Variants in MACROD2 observed in about 807,000 individuals in gnomAD.
MACROD2 encodes mono-ADP ribosylhydrolase 2.
Under a neutral mutation model 70.4 loss-of-function variants are expected in MACROD2, and 36 were observed. The observed-to-expected ratio is 0.51, with a 90% CI of 0.39 to 0.68. The LOEUF is 0.68. MACROD2 is among the 30% of genes least tolerant of loss of function. The pLI, the probability that MACROD2 is intolerant of heterozygous loss-of-function variation, is 0.00. For missense variants in MACROD2, 496 were observed against 538.4 expected, an observed-to-expected ratio of 0.92 and a Z score of 0.78; for synonymous variants, 172 against 178.8, an observed-to-expected ratio of 0.96 and a Z score of 0.30.
chr20:15,134,237 G>A (rs2076128905), intron 5 of MACROD2, among the ~76,000 whole-genome samples: 1 of 144,476 alleles, frequency 6.9e-6, no homozygotes, highest in African/African-American at 2.5e-5. Flanking sequence ...TTCCAACCTT[G>A]CCCGAGCCGG....
At chr20:14,166,272 A>G (rs2148720831) in intron 3 of MACROD2, among the ~76,000 whole-genome samples, 1 of 152,054 alleles carries the variant, frequency 6.6e-6, no homozygotes, top group East Asian at 1.9e-4. Context: ...GTAGAATAAA[A>G]TTTTTCTAGT....
Position 14,986,121 on chromosome 20 carries a change from C to T in MACROD2, c.419-243819C>T, listed in dbSNP as rs1200727017. Among the ~76,000 whole-genome samples, 3 of 152,240 alleles carry T rather than the reference C, an allele frequency of 2.0e-5. No individual in the cohort carries two copies. The East Asian group carries it at 5.8e-4, about 29-fold the overall frequency. On this transcript the variant is annotated intron_variant, in intron 5 of 17. Coordinates refer to ENST00000684519, the MANE Select transcript of MACROD2 (RefSeq NM_001351661.2). ...GCATAGAAACAGCTGTTGGGTTATT[C>T]CTGGGCCATTGAAGACATGGCACCT...
rs190192669 is a variant in MACROD2 at position 15,523,032 on chromosome 20, A to G, written c.645+23185A>G. 1.7e-3 allele frequency among the ~76,000 whole-genome samples: 256 copies of G among 152,316 alleles called. 2 individuals carry two copies. Among genetic ancestry groups the G allele is most frequent in the Admixed American group, 1.7e-3 (26 of 15,284 alleles). ...TTACAAGTTAAACTGGGGAAGATGCATAAGTAGGCAGCTAGAGGGACTGGT... is the reference window on the plus strand; with the variant it reads ...TTACAAGTTAAACTGGGGAAGATGCGTAAGTAGGCAGCTAGAGGGACTGGT... On this transcript the variant is annotated intron_variant, in intron 8 of 17. Transcript: ENST00000684519.
At chr20:15,325,398 T>C (rs1234360508) in intron 6 of MACROD2, among the ~76,000 whole-genome samples, 4 of 152,182 alleles carry the variant, frequency 2.6e-5, no homozygotes, top group African/African-American at 9.6e-5. Flanking sequence ...CTTGTAACAT[T>C]TGAGGCTCCC....
intron 4 of MACROD2, among the ~76,000 whole-genome samples, chr20:14,634,734 A>T (rs1167946192): frequency 6.6e-6 from 1 of 152,164 alleles, no homozygotes; most frequent in Non-Finnish European, 1.5e-5. Flanking sequence ...TATTGTTAAG[A>T]TATCCAAAAT....
In MACROD2 at chr20:15,024,802, A is replaced by T. The variant is rs560634078; in HGVS notation, c.419-205138A>T. Among the ~76,000 whole-genome samples, 60 of 152,164 alleles carry T rather than the reference A, an allele frequency of 3.9e-4. 1 individual carries two copies. The highest frequency in any genetic ancestry group is 7.3e-4 in the Non-Finnish European group (50 of 68,028). ...AACAGACTATTGATCTAGTTTTAAC[A>T]GATTTAGTGTTGTAGGTATTTTGTT... On this transcript the variant is annotated intron_variant, in intron 5 of 17. Coordinates refer to ENST00000684519, the MANE Select transcript of MACROD2 (RefSeq NM_001351661.2).
intron 8 of MACROD2, among the ~76,000 whole-genome samples, chr20:15,685,420 C>A (rs950730760): frequency 5.3e-5 from 8 of 152,154 alleles, no homozygotes; most frequent in African/African-American, 1.7e-4. Context: ...AGGAGGTGAA[C>A]ACAGATGTCT....
At chr20:14,949,594 A>G (rs188117934) in intron 5 of MACROD2, among the ~76,000 whole-genome samples, 68 of 152,300 alleles carry the variant, frequency 4.5e-4, no homozygotes, top group African/African-American at 1.6e-3. Context: ...CGCTTGTCCA[A>G]TCTGATTGCC....
At chr20:15,238,049 C>A (rs1185225098) in intron 6 of MACROD2, among the ~76,000 whole-genome samples, 2 of 152,152 alleles carry the variant, frequency 1.3e-5, no homozygotes, top group African/African-American at 2.4e-5. Flanking sequence ...AATGTCATTT[C>A]TGCATAGCAA....
intron 5 of MACROD2, among the ~76,000 whole-genome samples, chr20:14,715,082 C>G (rs2071381923): frequency 6.6e-6 from 1 of 152,146 alleles, no homozygotes; most frequent in African/African-American, 2.4e-5. Flanking sequence ...CATTGTCTCA[C>G]AGTTCAGCAT....
intron 8 of MACROD2, among the ~76,000 whole-genome samples, chr20:15,590,574 T>G (rs1036563081): frequency 2.0e-5 from 3 of 152,204 alleles, no homozygotes; most frequent in African/African-American, 7.2e-5. Context: ...ACTTAGATCA[T>G]AGAATTGATT....
chr20:15,680,428 G>A (rs2050145291), intron 8 of MACROD2, among the ~76,000 whole-genome samples: 1 of 152,108 alleles, frequency 6.6e-6, no homozygotes, highest in Non-Finnish European at 1.5e-5. Context: ...TTTCCTCAAG[G>A]AAAGGGACTG....
At chr20:14,412,483 G>A (rs2083760513) in intron 3 of MACROD2, among the ~76,000 whole-genome samples, 1 of 152,162 alleles carries the variant, frequency 6.6e-6, no homozygotes, top group Non-Finnish European at 1.5e-5. Context: ...CCTAGGAGCA[G>A]TTACAGACGT....
In MACROD2 at chr20:15,778,155, G is replaced by A. The variant is rs1299562125; in HGVS notation, c.646-84590G>A. On this transcript the variant is annotated intron_variant, in intron 8 of 17. Coordinates refer to ENST00000684519, the MANE Select transcript of MACROD2 (RefSeq NM_001351661.2). ...AACCCTCAGGGAAGATAAGTAACTT[G>A]GTCAAGTTTGCACAGCTACAAAGTG... Among the ~76,000 whole-genome samples, 3 of 152,188 alleles carry A rather than the reference G, an allele frequency of 2.0e-5. No homozygotes were observed. In the East Asian group the frequency reaches 5.8e-4, roughly 29 times the overall value.
intron 5 of MACROD2, among the ~76,000 whole-genome samples, chr20:15,220,574 T>G (rs896705041): frequency 6.6e-6 from 1 of 152,248 alleles, no homozygotes; most frequent in Non-Finnish European, 1.5e-5. Flanking sequence ...CGATGGAAAC[T>G]TCTCAGAAAT....
chr20:14,227,753 T>C (rs2081756104), intron 3 of MACROD2, among the ~76,000 whole-genome samples: 1 of 152,254 alleles, frequency 6.6e-6, no homozygotes, highest in Admixed American at 6.5e-5. Flanking sequence ...GGCTGAGCCT[T>C]TAAAATTTCC....
chr20:15,141,115 T>C (rs2076188769), intron 5 of MACROD2, among the ~76,000 whole-genome samples: 1 of 151,430 alleles, frequency 6.6e-6, no homozygotes, highest in South Asian at 2.1e-4. Context: ...TACATACATA[T>C]AGATATACAT....
At chr20:15,871,794 C>T (rs994718733) in intron 9 of MACROD2, among the ~76,000 whole-genome samples, 3 of 152,198 alleles carry the variant, frequency 2.0e-5, no homozygotes, top group East Asian at 1.9e-4. Context: ...GTTTGTGAAG[C>T]CCTGACTGAG....
At chr20:14,383,827 C>A (rs1440678010) in intron 3 of MACROD2, among the ~76,000 whole-genome samples, 1 of 152,000 alleles carries the variant, frequency 6.6e-6, no homozygotes, top group African/African-American at 2.4e-5. Flanking sequence ...GAAATAAAAA[C>A]CAATTTTTCA....
Sources: gnomAD v4.1 joint callset for allele counts (sites outside exome capture counted in the v4.1 genomes callset) on GRCh38, gnomAD v4.1.1 for gene constraint, MANE v1.5 for transcripts, NCBI Gene and HGNC (gene_info 2026-07-23, HGNC 2026-07-21) for gene names.